GREB1L: variants seen among roughly 807,000 people sequenced by gnomAD.
GREB1L encodes GREB1 like retinoic acid receptor coactivator.
Under a neutral mutation model 200.8 loss-of-function variants are expected in GREB1L, and 17 were observed. That is an observed-to-expected ratio of 0.08 (90% CI 0.06 to 0.13). The LOEUF (loss-of-function observed/expected upper bound fraction) is 0.13. Among genes scored for constraint, GREB1L ranks in the 10% least tolerant of loss-of-function variants. The pLI is 1.00. For synonymous variants in GREB1L, 789 were observed against 893.0 expected (o/e 0.88, Z 2.08); for missense variants, 1,657 against 2,367.7 (o/e 0.70, Z 6.23).
chr18:21,354,913 G>A (rs115004116), intron 1 of GREB1L, among the ~76,000 whole-genome samples: 2,280 of 152,250 alleles, frequency 0.015, 59 homozygotes, highest in African/African-American at 0.051. Flanking sequence ...GTAAAATCTC[G>A]AAGGCTTTTA....
chr18:21,366,638 A>G (rs1176605735), intron 2 of GREB1L, among the ~76,000 whole-genome samples: 6 of 107,046 alleles, frequency 5.6e-5, no homozygotes, highest in African/African-American at 2.2e-4. Flanking sequence ...ACCCCCATCA[A>G]AGAAAATCAG....
chr18:21,439,469 C>A, intron 7 of GREB1L, 52 bp from the exon 8 acceptor site: 1 of 1,067,254 alleles, frequency 9.4e-7, no homozygotes, highest in Non-Finnish European at 1.4e-6. Flanking sequence ...TCCCAGAAAG[C>A]AGTGCCCCGC....
chr18:21,372,657 C>T (rs1342248675), intron 2 of GREB1L, among the ~76,000 whole-genome samples: 2 of 152,072 alleles, frequency 1.3e-5, no homozygotes. Flanking sequence ...TGCGGTGGCT[C>T]ATGCCTATAA....
intron 14 of GREB1L, among the ~76,000 whole-genome samples, chr18:21,453,431 T>C (rs1051719319): frequency 2.6e-5 from 4 of 152,236 alleles, no homozygotes; most frequent in African/African-American, 9.6e-5. Context: ...ACAGGTTAAT[T>C]AGGCCCTGTT....
chr18:21,274,515 A>G (rs2038130247), intron 1 of GREB1L, among the ~76,000 whole-genome samples: 1 of 152,066 alleles, frequency 6.6e-6, no homozygotes, highest in Non-Finnish European at 1.5e-5. Flanking sequence ...GGCTCAGGTG[A>G]TTCTCCCACC....
chr18:21,424,236 C>T (rs2032386913), intron 7 of GREB1L, among the ~76,000 whole-genome samples: 4 of 152,102 alleles, frequency 2.6e-5, no homozygotes. Context: ...ACAGAATTTT[C>T]CCTGGTTTAT....
At chr18:21,341,625 A>C (rs1166089369) in intron 1 of GREB1L, among the ~76,000 whole-genome samples, 1 of 152,174 alleles carries the variant, frequency 6.6e-6, no homozygotes, top group Non-Finnish European at 1.5e-5. Context: ...CTCCCACCTT[A>C]GCATCCCAAA....
At chr18:21,390,106 G>T (rs2040732877) in intron 4 of GREB1L, among the ~76,000 whole-genome samples, 1 of 152,148 alleles carries the variant, frequency 6.6e-6, no homozygotes, top group Admixed American at 6.6e-5. Flanking sequence ...CCATTGTAAA[G>T]TAGTGCAATG....
chr18:21,493,523 G>T (rs2036421659), intron 19 of GREB1L, among the ~76,000 whole-genome samples: 1 of 152,180 alleles, frequency 6.6e-6, no homozygotes. Context: ...TTGGCTAGCT[G>T]TGGTTGGTCA....
chr18:21,370,905 CCGT>C (rs2039847858), intron 2 of GREB1L, among the ~76,000 whole-genome samples: 1 of 151,724 alleles, frequency 6.6e-6, no homozygotes, highest in Non-Finnish European at 1.5e-5. Context: ...TGGTAAAATC[CCGT>C]CTCTACAAAA....
chr18:21,486,742 T>A (rs1356044096), intron 18 of GREB1L, among the ~76,000 whole-genome samples: 1 of 152,214 alleles, frequency 6.6e-6, no homozygotes, highest in East Asian at 1.9e-4. Context: ...ACATTAGAAT[T>A]TACCTAACCT....
chr18:21,436,669 G>GGTGTGTGTGTGTGTGTGTGTGTGTGT (rs71178172), intron 7 of GREB1L, among the ~76,000 whole-genome samples: 1 of 132,456 alleles, frequency 7.5e-6, no homozygotes, highest in African/African-American at 2.9e-5. Flanking sequence ...AAAGTTCAGT[G>GGTGTGTGTGTGTGTGTGTGTGTGTGT]GTGTGTGTGT....
chr18:21,464,267 C>T (rs1389481612), intron 15 of GREB1L, among the ~76,000 whole-genome samples: 2 of 152,084 alleles, frequency 1.3e-5, no homozygotes, highest in African/African-American at 2.4e-5. Context: ...CGGTCGCTCA[C>T]GCCTGTAATC....
intron 31 of GREB1L, among the ~76,000 whole-genome samples, chr18:21,519,481 C>G (rs1306505099): frequency 6.6e-6 from 1 of 151,984 alleles, no homozygotes; most frequent in Non-Finnish European, 1.5e-5. Context: ...CAAACCCACA[C>G]CCACGAGATC....
At chr18:21,244,697 C>G (rs1195294594) in intron 1 of GREB1L, among the ~76,000 whole-genome samples, 1 of 152,138 alleles carries the variant, frequency 6.6e-6, no homozygotes, top group Non-Finnish European at 1.5e-5. Flanking sequence ...TAAACTATAT[C>G]CCTGCTCTTA....
chr18:21,283,607 GT>G, intron 1 of GREB1L, among the ~76,000 whole-genome samples: 1 of 152,328 alleles, frequency 6.6e-6, no homozygotes, highest in East Asian at 1.9e-4. Flanking sequence ...ACTTGGCCAA[GT>G]GGGGAAGTGA....
chr18:21,254,061 A>ATTTTTTTT (rs547876546), intron 1 of GREB1L, among the ~76,000 whole-genome samples: 2 of 70,438 alleles, frequency 2.8e-5, no homozygotes, highest in Admixed American at 1.7e-4. Context: ...TTTCAGGCAT[A>ATTTTTTTT]TTTTTTTTTT....
At chr18:21,441,751 G>A (rs1289980663) in intron 10 of GREB1L, among the ~76,000 whole-genome samples, 2 of 152,268 alleles carry the variant, frequency 1.3e-5, no homozygotes, top group East Asian at 3.9e-4. Flanking sequence ...CTGTTTAGTG[G>A]GGGAGTCTCA....
chr18:21,309,441 C>T (rs934365847), intron 1 of GREB1L, among the ~76,000 whole-genome samples: 2 of 152,176 alleles, frequency 1.3e-5, no homozygotes, highest in African/African-American at 2.4e-5. Context: ...AGTGTTTTGG[C>T]AGCCCTGCAT....
Sources: gnomAD v4.1 joint callset for allele counts (sites outside exome capture counted in the v4.1 genomes callset) on GRCh38, gnomAD v4.1.1 for gene constraint, MANE v1.5 for transcripts, NCBI Gene and HGNC (gene_info 2026-07-23, HGNC 2026-07-21) for gene names.